The following LINGO2 variants were observed in gnomAD, a reference collection of about 807,000 sequenced individuals.
LINGO2 encodes leucine rich repeat and Ig domain containing 2, also known as leucine-rich repeat and immunoglobulin-like domain-containing nogo receptor-interacting protein 2.
A neutral mutation model predicts 30.6 loss-of-function variants in LINGO2; 14 were observed. That is an observed-to-expected ratio of 0.46 (90% CI 0.30 to 0.72). The LOEUF is 0.72. Ranked by LOEUF, LINGO2 falls within the 30% of genes least tolerant of loss-of-function variation. The probability of loss-of-function intolerance (pLI) is 0.07; values close to 1 mark genes in which losing one functional copy is unlikely to be tolerated. For synonymous variants in LINGO2, 317 were observed against 288.5 expected, an observed-to-expected ratio of 1.10 and a Z score of -1.00; for missense variants, 729 against 751.7, an observed-to-expected ratio of 0.97 and a Z score of 0.35.
rs772157537 is a variant in LINGO2 at position 28,561,749 on chromosome 9, G to GTGTGTGTATA, written c.-364-85725_-364-85724insTATACACACA. On this transcript the variant is annotated intron_variant, in intron 1 of 5. Coordinates refer to ENST00000379992, the Ensembl canonical transcript of LINGO2. ...TATATATAATTTTGTGTGTGTGTGT[G>GTGTGTGTATA]TATATATATATATATATATATATAT... Among the ~76,000 whole-genome samples the GTGTGTGTATA allele has an allele frequency of 7.0e-3, 339 of 48,716 alleles. 47 individuals are homozygous for GTGTGTGTATA. The highest frequency in any genetic ancestry group is 0.011 in the South Asian group (17 of 1,532). 32.0% of individuals were successfully genotyped at this position (48,716 alleles called of 152,430 possible).
intron 4 of LINGO2, among the ~76,000 whole-genome samples, chr9:28,063,137 A>G (rs1825207682): frequency 6.6e-6 from 1 of 152,172 alleles, no homozygotes; most frequent in Non-Finnish European, 1.5e-5. Context: ...TTCTGGAACA[A>G]TCCAGACATT....
chr9:28,464,293 G>A (rs1288819085), intron 2 of LINGO2, among the ~76,000 whole-genome samples: 1 of 152,102 alleles, frequency 6.6e-6, no homozygotes, highest in African/African-American at 2.4e-5. Flanking sequence ...CAAGAAAGTA[G>A]TTATAATCAG....
chr9:28,893,612 G>T, the LINGO2 span, among the ~76,000 whole-genome samples: 2 of 37,376 alleles, frequency 5.4e-5, no homozygotes, highest in East Asian at 1.3e-3. Context: ...TTTGATGGAA[G>T]AAAATATCTT....
chr9:28,822,158 G>A, the LINGO2 span, among the ~76,000 whole-genome samples: 1 of 152,038 alleles, frequency 6.6e-6, no homozygotes, highest in Non-Finnish European at 1.5e-5. Flanking sequence ...CCCAGAAAAG[G>A]GGAAAAGAGA....
chr9:28,270,956 A>G (rs1281415845), intron 4 of LINGO2, among the ~76,000 whole-genome samples: 1 of 152,132 alleles, frequency 6.6e-6, no homozygotes, highest in Non-Finnish European at 1.5e-5. Flanking sequence ...GTCTATTAAC[A>G]TCTTCAGCCT....
chr9:28,015,441 GC>G (rs1279393645), intron 4 of LINGO2, among the ~76,000 whole-genome samples: 3 of 151,914 alleles, frequency 2.0e-5, no homozygotes, highest in African/African-American at 7.2e-5. Context: ...TTACTGTCAA[GC>G]CCGTAAGTAA....
the LINGO2 span, among the ~76,000 whole-genome samples, chr9:29,151,350 AG>A: frequency 6.6e-6 from 1 of 152,200 alleles, no homozygotes; most frequent in East Asian, 1.9e-4. Flanking sequence ...TATAAAATAA[AG>A]TCTACAAAAC....
chr9:28,436,178 G>A (rs961313692), intron 2 of LINGO2, among the ~76,000 whole-genome samples: 23 of 152,036 alleles, frequency 1.5e-4, no homozygotes, highest in African/African-American at 5.6e-4. Context: ...TATTTGTTAT[G>A]TTTTGTTTTT....
At chr9:28,376,258 G>C (rs917198517) in intron 2 of LINGO2, among the ~76,000 whole-genome samples, 5 of 148,724 alleles carry the variant, frequency 3.4e-5, no homozygotes, top group African/African-American at 1.2e-4. Context: ...TAGGAGAAGA[G>C]AAGAAGAGAA....
At chr9:28,885,685 G>T in the LINGO2 span, among the ~76,000 whole-genome samples, 1 of 152,070 alleles carries the variant, frequency 6.6e-6, no homozygotes, top group South Asian at 2.1e-4. Flanking sequence ...GGAACTAATT[G>T]CAATGAATAA....
chr9:28,204,670 T>G (rs1040923247), intron 4 of LINGO2, among the ~76,000 whole-genome samples: 3 of 152,166 alleles, frequency 2.0e-5, no homozygotes, highest in Non-Finnish European at 4.4e-5. Flanking sequence ...GATTAGTTAC[T>G]TACTTAAAAT....
the LINGO2 span, among the ~76,000 whole-genome samples, chr9:28,916,999 A>G: frequency 6.6e-6 from 1 of 152,124 alleles, no homozygotes; most frequent in African/African-American, 2.4e-5. Flanking sequence ...AGTAAACACT[A>G]ATGTTCAACT....
intron 4 of LINGO2, among the ~76,000 whole-genome samples, chr9:28,222,688 C>G (rs1053484210): frequency 6.6e-6 from 1 of 152,140 alleles, no homozygotes; most frequent in African/African-American, 2.4e-5. Flanking sequence ...ATTCCAAATG[C>G]GCACAAAACA....
the LINGO2 span, among the ~76,000 whole-genome samples, chr9:29,099,892 A>T: frequency 6.6e-6 from 1 of 152,166 alleles, no homozygotes; most frequent in East Asian, 1.9e-4. Flanking sequence ...ATATACGCCA[A>T]AGAAAGGAAA....
At chr9:29,034,002 A>C in the LINGO2 span, among the ~76,000 whole-genome samples, 1 of 151,998 alleles carries the variant, frequency 6.6e-6, no homozygotes, top group Non-Finnish European at 1.5e-5. Flanking sequence ...GAATCACTTG[A>C]ACCCAGGTGG....
At chr9:28,536,923 G>A (rs1326059268) in intron 1 of LINGO2, among the ~76,000 whole-genome samples, 5 of 151,902 alleles carry the variant, frequency 3.3e-5, no homozygotes, top group African/African-American at 7.3e-5. Flanking sequence ...CACATTATAC[G>A]AGCTTATTTG....
In LINGO2 at chr9:28,291,000, G is replaced by C. The variant is rs979673409; in HGVS notation, c.-87+4208C>G. ...GCTGCAGCTCCCTTGCCTCTTGTGA[G>C]GAAAAACCCTGCACTGACTCTCAGA... On this transcript the variant is annotated intron_variant, in intron 4 of 5. Coordinates refer to ENST00000379992, the Ensembl canonical transcript of LINGO2. Among the ~76,000 whole-genome samples the C allele has an allele frequency of 3.3e-5, 5 of 152,242 alleles. No homozygotes were observed. In the South Asian group the frequency reaches 1.0e-3, roughly 32 times the overall value.
At chr9:28,214,177 A>T (rs10968390) in intron 4 of LINGO2, among the ~76,000 whole-genome samples, 12,054 of 151,682 alleles carry the variant, frequency 0.079, 699 homozygotes, top group East Asian at 0.21. Flanking sequence ...TTTCATAGTA[A>T]ATCTAAACTT....
rs140595801 is a variant in LINGO2, at chr9:28,431,686, T to C, written c.-279+44254A>G. Among the ~76,000 whole-genome samples the C allele has an allele frequency of 1.8e-4, 27 of 152,286 alleles. No individual in the cohort carries two copies. The East Asian group carries it at 4.1e-3, about 23-fold the overall frequency. On this transcript the variant is annotated intron_variant, in intron 2 of 5. Transcript: ENST00000379992. ...CCCAGTTCATGGCAGTTCCTTGCAG[T>C]ATATTCTGTGACTCTTTCAGAAAGC...
Sources: gnomAD v4.1 joint callset for allele counts (sites outside exome capture counted in the v4.1 genomes callset) on GRCh38, gnomAD v4.1.1 for gene constraint, MANE v1.5 for transcripts, NCBI Gene and HGNC (gene_info 2026-07-23, HGNC 2026-07-21) for gene names.